KCNT2: variants seen among roughly 807,000 people sequenced by gnomAD.
The protein encoded by KCNT2 is potassium sodium-activated channel subfamily T member 2, also known as potassium channel subfamily T member 2.
KCNT2 carries 67 observed loss-of-function variants against 153.8 expected under a neutral mutation model. The observed-to-expected ratio is 0.44, with a 90% CI of 0.36 to 0.53. The LOEUF is 0.53. Among genes scored for constraint, KCNT2 ranks in the 20% least tolerant of loss-of-function variants. The probability of loss-of-function intolerance (pLI) is 0.00; values close to 1 mark genes in which losing one functional copy is unlikely to be tolerated. For missense variants in KCNT2, 975 were observed against 1,354.8 expected (o/e 0.72, Z 4.40); for synonymous variants, 500 against 458.8 (o/e 1.09, Z -1.15).
intron 21 of KCNT2, 44 bp from the exon 22 acceptor site, chr1:196,305,389 T>C: frequency 1.9e-6 from 2 of 1,040,212 alleles, no homozygotes; most frequent in Admixed American, 1.8e-5. Context: ...CAATCCAATA[T>C]GGTATTTTTT....
At chr1:196,261,795 C>T (rs1571834467) in intron 25 of KCNT2, among the ~76,000 whole-genome samples, 1 of 151,982 alleles carries the variant, frequency 6.6e-6, no homozygotes, top group Non-Finnish European at 1.5e-5. Flanking sequence ...CTACAGAACT[C>T]TGACTTTTCT....
At chr1:196,395,511 G>C (rs1347893728) in intron 13 of KCNT2, among the ~76,000 whole-genome samples, 1 of 151,468 alleles carries the variant, frequency 6.6e-6, no homozygotes, top group Non-Finnish European at 1.5e-5. Context: ...TCACTTACTG[G>C]TGGCTTAAAA....
chr1:196,226,360 T>C lies in KCNT2; in HGVS notation c.*1864A>G, dbSNP rs1310043060. The C allele has an allele frequency of 6.6e-6, 1 of 152,078 alleles. No individual in the cohort carries two copies. Among genetic ancestry groups the C allele is most frequent in the African/African-American group, 2.4e-5 (1 of 41,472 alleles). The allele number at this position is 152,078 out of a possible 1,614,324, so 9.4% of individuals were successfully genotyped here. The stretch of plus-strand genomic sequence containing the variant: ...TTCTCTGTTACATATATTAGTTCCA[T>C]TCTGCCTTCAGTTTTTAACAATTTA... On this transcript the variant is annotated 3_prime_UTR_variant, in exon 28 of 28. Transcript: ENST00000294725.
chr1:196,426,329 T>C (rs1260164749), intron 10 of KCNT2, among the ~76,000 whole-genome samples: 1 of 151,976 alleles, frequency 6.6e-6, no homozygotes, highest in African/African-American at 2.4e-5. Context: ...AAAATATACA[T>C]TGAACACCAG....
chr1:196,556,341 T>A (rs111511070), intron 1 of KCNT2, among the ~76,000 whole-genome samples: 8,713 of 151,278 alleles, frequency 0.058, 389 homozygotes, highest in Non-Finnish European at 0.085. Flanking sequence ...GGTGAAAGAT[T>A]TGAATACACG....
chr1:196,501,206 T>C (rs1251166592), intron 1 of KCNT2, among the ~76,000 whole-genome samples: 1 of 152,188 alleles, frequency 6.6e-6, no homozygotes, highest in Admixed American at 6.5e-5. Context: ...TCTGGGTATG[T>C]ACCCAAAGGG....
chr1:196,489,275 C>T (rs1679676049), intron 3 of KCNT2, among the ~76,000 whole-genome samples: 5 of 151,898 alleles, frequency 3.3e-5, no homozygotes, highest in Admixed American at 3.3e-4. Flanking sequence ...CTATTGTTTG[C>T]CACTTTGTGC....
intron 22 of KCNT2, among the ~76,000 whole-genome samples, chr1:196,292,334 G>A (rs937434649): frequency 4.6e-5 from 7 of 152,008 alleles, no homozygotes; most frequent in Non-Finnish European, 8.8e-5. Flanking sequence ...CATAATATAC[G>A]CCATGTATAA....
At chr1:196,289,124 A>T (rs918909772) in intron 22 of KCNT2, among the ~76,000 whole-genome samples, 2 of 152,034 alleles carry the variant, frequency 1.3e-5, no homozygotes, top group African/African-American at 4.8e-5. Flanking sequence ...AATATGCTAA[A>T]TTATATATTA....
At chr1:196,524,695 C>G (rs1027294438) in intron 1 of KCNT2, among the ~76,000 whole-genome samples, 5 of 151,756 alleles carry the variant, frequency 3.3e-5, no homozygotes, top group African/African-American at 9.7e-5. Flanking sequence ...TTCCTATATC[C>G]CGGATATCAT....
At chr1:196,445,648 A>G (rs1401471521) in intron 8 of KCNT2, among the ~76,000 whole-genome samples, 1 of 151,434 alleles carries the variant, frequency 6.6e-6, no homozygotes, top group Non-Finnish European at 1.5e-5. Context: ...CAGTTTCATA[A>G]TAAGCTCTGC....
chr1:196,570,332 T>C (rs1660631496), intron 1 of KCNT2, among the ~76,000 whole-genome samples: 1 of 152,086 alleles, frequency 6.6e-6, no homozygotes, highest in Non-Finnish European at 1.5e-5. Flanking sequence ...GTGCATTTGA[T>C]TACATAATTT....
intron 1 of KCNT2, among the ~76,000 whole-genome samples, chr1:196,581,973 C>A (rs1478871971): frequency 1.3e-5 from 2 of 152,038 alleles, no homozygotes; most frequent in Non-Finnish European, 2.9e-5. Context: ...TGTGGGAGAA[C>A]CAATAATACT....
chr1:196,277,304 G>T (rs1052747471), intron 25 of KCNT2, among the ~76,000 whole-genome samples: 20 of 152,014 alleles, frequency 1.3e-4, no homozygotes, highest in African/African-American at 4.4e-4. Context: ...GCATTTCATG[G>T]TGATCTGGCT....
intron 8 of KCNT2, among the ~76,000 whole-genome samples, chr1:196,439,941 C>T (rs1032284039): frequency 5.3e-5 from 8 of 151,756 alleles, no homozygotes; most frequent in African/African-American, 1.5e-4. Flanking sequence ...CTAATGCATA[C>T]GGGGCTTAAA....
chr1:196,507,849 A>G (rs1344571768), intron 1 of KCNT2, among the ~76,000 whole-genome samples: 2 of 152,156 alleles, frequency 1.3e-5, no homozygotes, highest in Non-Finnish European at 2.9e-5. Flanking sequence ...TATAGATTCC[A>G]TAAGCTTCCA....
At chr1:196,253,642 C>T (rs1173181075) in intron 26 of KCNT2, among the ~76,000 whole-genome samples, 1 of 151,400 alleles carries the variant, frequency 6.6e-6, no homozygotes, top group African/African-American at 2.4e-5. Flanking sequence ...TTCCTTTGTC[C>T]AAAGTCTGCA....
At chr1:196,408,271 C>CAGGAGT (rs1671999415) in intron 12 of KCNT2, among the ~76,000 whole-genome samples, 1 of 151,486 alleles carries the variant, frequency 6.6e-6, no homozygotes, top group Non-Finnish European at 1.5e-5. Context: ...ACCTTCCACT[C>CAGGAGT]CTGCATAAGA....
intron 13 of KCNT2, among the ~76,000 whole-genome samples, chr1:196,375,209 A>C (rs1210340315): frequency 6.6e-6 from 1 of 150,500 alleles, no homozygotes; most frequent in African/African-American, 2.5e-5. Flanking sequence ...TACTAATCAG[A>C]GAAAATTAGA....
Sources: allele counts gnomAD v4.1 joint callset (sites outside exome capture counted in the v4.1 genomes callset), GRCh38; gene constraint gnomAD v4.1.1; transcripts MANE v1.5; gene names NCBI Gene and HGNC (gene_info 2026-07-23, HGNC 2026-07-21).